CACHD1: variants seen among roughly 807,000 people sequenced by gnomAD.
CACHD1 encodes the protein VWFA and cache domain-containing protein 1.
A neutral mutation model predicts 138.7 loss-of-function variants in CACHD1; 71 were observed. That is an observed-to-expected ratio of 0.51 (90% CI 0.42 to 0.62). The LOEUF (loss-of-function observed/expected upper bound fraction) is 0.62. CACHD1 is among the 20% of genes least tolerant of loss of function. The pLI, the probability that CACHD1 is intolerant of heterozygous loss-of-function variation, is 0.00. For synonymous variants in CACHD1, 578 were observed against 591.5 expected (o/e 0.98, Z 0.33); for missense variants, 1,389 against 1,625.3 (o/e 0.85, Z 2.50).
intron 2 of CACHD1, among the ~76,000 whole-genome samples, chr1:64,575,166 G>A (rs2100520668): frequency 6.6e-6 from 1 of 152,230 alleles, no homozygotes; most frequent in African/African-American, 2.4e-5. Flanking sequence ...TGTTTCATTT[G>A]AACATCACAA....
At chr1:64,486,939 T>A (rs986012064) in intron 1 of CACHD1, among the ~76,000 whole-genome samples, 2 of 152,072 alleles carry the variant, frequency 1.3e-5, no homozygotes, top group East Asian at 3.9e-4. Flanking sequence ...TTGGGGGTGC[T>A]GATATTTGAG....
chr1:64,682,386 C>T (rs1650221681), intron 26 of CACHD1, among the ~76,000 whole-genome samples: 1 of 152,014 alleles, frequency 6.6e-6, no homozygotes, highest in Non-Finnish European at 1.5e-5. Context: ...TCTTAGGTCC[C>T]GCTCTCCAGT....
intron 1 of CACHD1, among the ~76,000 whole-genome samples, chr1:64,494,495 C>A (rs1646295545): frequency 6.6e-6 from 1 of 152,180 alleles, no homozygotes; most frequent in Non-Finnish European, 1.5e-5. Flanking sequence ...CCAACAACAT[C>A]CCAAAGCTTT....
chr1:64,535,487 G>C (rs759927661), intron 1 of CACHD1, among the ~76,000 whole-genome samples: 2 of 151,900 alleles, frequency 1.3e-5, no homozygotes, highest in Non-Finnish European at 2.9e-5. Context: ...CACCACACCT[G>C]GTTAATTTTG....
intron 7 of CACHD1, among the ~76,000 whole-genome samples, chr1:64,635,380 A>ATTTT (rs71056060): frequency 5.4e-5 from 5 of 91,824 alleles, no homozygotes; most frequent in African/African-American, 1.9e-4. Context: ...CTCTAATTTA[A>ATTTT]TTTTTTTTTT....
intron 4 of CACHD1, among the ~76,000 whole-genome samples, chr1:64,607,393 G>A (rs147555288): frequency 2.6e-4 from 39 of 152,300 alleles, no homozygotes; most frequent in Middle Eastern, 3.4e-3. Context: ...GGCTATGGGT[G>A]AGCTTGTCAA....
At chr1:64,679,857 T>G in intron 24 of CACHD1, 101 bp downstream of exon 24, 1 of 1,307,048 alleles carries the variant, frequency 7.7e-7, no homozygotes, top group South Asian at 1.6e-5. Flanking sequence ...AGTGCTATAC[T>G]TTCAGCTTCT....
intron 8 of CACHD1, among the ~76,000 whole-genome samples, chr1:64,645,020 C>G (rs1479029066): frequency 6.6e-6 from 1 of 152,174 alleles, no homozygotes; most frequent in Non-Finnish European, 1.5e-5. Context: ...TCGCTTGATC[C>G]TGGGAGGCAG....
rs756774347 is a variant in CACHD1 at position 64,664,478 on chromosome 1, T to C, written c.2095-20T>C. 6.2e-7 allele frequency: 1 copy of C among 1,612,304 alleles called. No individual in the cohort carries two copies. Among genetic ancestry groups the C allele is most frequent in the Non-Finnish European group, 8.5e-7 (1 of 1,178,442 alleles). On this transcript the variant is annotated intron_variant, in intron 14 of 26. Coordinates refer to ENST00000651257, the MANE Select transcript of CACHD1 (RefSeq NM_020925.4). The stretch of plus-strand genomic sequence containing the variant: ...TGTGAGTTTTAAAGGATCCCTGCTA[T>C]GTCTTCCTTTGTTTCCCAGTTCTCT...
At chr1:64,625,895 T>A (rs1648084840) in intron 4 of CACHD1, among the ~76,000 whole-genome samples, 1 of 152,228 alleles carries the variant, frequency 6.6e-6, no homozygotes, top group African/African-American at 2.4e-5. Context: ...AAATGCTATA[T>A]GTGGGAGCAT....
chr1:64,472,231 CCTT>C (rs763270779), intron 1 of CACHD1, among the ~76,000 whole-genome samples: 24 of 151,530 alleles, frequency 1.6e-4, no homozygotes, highest in Non-Finnish European at 2.2e-4. Context: ...CTTCTTTCTT[CCTT>C]CTTCTTCCTC....
chr1:64,597,524 GTTTTTTTT>G (rs34162933), intron 3 of CACHD1, among the ~76,000 whole-genome samples: 8 of 80,400 alleles, frequency 1.0e-4, no homozygotes, highest in Non-Finnish European at 1.9e-4. Flanking sequence ...TTTTTTTGTT[GTTTTTTTT>G]TTTTTTTTTT....
At chr1:64,504,200 T>G (rs1172410166) in intron 1 of CACHD1, among the ~76,000 whole-genome samples, 3 of 152,136 alleles carry the variant, frequency 2.0e-5, no homozygotes, top group Non-Finnish European at 2.9e-5. Context: ...GGCTAATTTT[T>G]GTATTTTTTG....
intron 1 of CACHD1, among the ~76,000 whole-genome samples, chr1:64,544,415 A>G (rs1184904809): frequency 1.3e-5 from 2 of 152,168 alleles, no homozygotes; most frequent in Non-Finnish European, 2.9e-5. Context: ...ACACACATGT[A>G]ATTGTCCTTG....
chr1:64,637,417 G>T lies in CACHD1; in HGVS notation c.1006+3157G>T, dbSNP rs555705502. Among the ~76,000 whole-genome samples, 17 of 152,304 alleles carry T rather than the reference G, an allele frequency of 1.1e-4. No homozygotes were observed. The East Asian group carries it at 3.1e-3, about 28-fold the overall frequency. ...AGTGCTGCCAGATCTTCTGTTTCAA[G>T]AGATGCCAGAAATCTGGATTTTCAT... is the stretch of plus-strand genomic sequence containing the variant. On this transcript the variant is annotated intron_variant, in intron 7 of 26. Coordinates refer to ENST00000651257, the MANE Select transcript of CACHD1 (RefSeq NM_020925.4).
At chr1:64,666,369 C>T (rs1361405973) in intron 16 of CACHD1, among the ~76,000 whole-genome samples, 1 of 152,132 alleles carries the variant, frequency 6.6e-6, no homozygotes, top group East Asian at 1.9e-4. Flanking sequence ...GGGAATGATA[C>T]CTACCTCACA....
At chr1:64,552,154 T>TC (rs916260538) in intron 2 of CACHD1, among the ~76,000 whole-genome samples, 1 of 152,058 alleles carries the variant, frequency 6.6e-6, no homozygotes, top group Non-Finnish European at 1.5e-5. Context: ...GAAAGTTTTT[T>TC]CCCCCCACCC....
At chr1:64,507,035 A>G (rs764944424) in intron 1 of CACHD1, among the ~76,000 whole-genome samples, 12 of 152,244 alleles carry the variant, frequency 7.9e-5, no homozygotes, top group Non-Finnish European at 1.3e-4. Context: ...AAACTCTACC[A>G]TCTCTTGTGA....
At chr1:64,521,992 T>C (rs1343750525) in intron 1 of CACHD1, among the ~76,000 whole-genome samples, 1 of 152,218 alleles carries the variant, frequency 6.6e-6, no homozygotes, top group Non-Finnish European at 1.5e-5. Context: ...TTTCCTTTGT[T>C]TCTCATGTTA....
Sources: gnomAD v4.1 joint callset for allele counts (sites outside exome capture counted in the v4.1 genomes callset) on GRCh38, gnomAD v4.1.1 for gene constraint, MANE v1.5 for transcripts, NCBI Gene and HGNC (gene_info 2026-07-23, HGNC 2026-07-21) for gene names.